Variants in SCAI observed in about 807,000 individuals in gnomAD.
SCAI encodes protein SCAI.
A neutral mutation model predicts 92.2 loss-of-function variants in SCAI; 24 were observed. The observed-to-expected ratio is 0.26, with a 90% CI of 0.19 to 0.37. The LOEUF (loss-of-function observed/expected upper bound fraction) is 0.37. Ranked by LOEUF, SCAI falls within the 10% of genes least tolerant of loss-of-function variation. SCAI has a pLI of 1.00. For missense variants in SCAI, 450 were observed against 736.2 expected (o/e 0.61, Z 4.50); for synonymous variants, 261 against 258.6 (o/e 1.01, Z -0.09).
intron 2 of SCAI, among the ~76,000 whole-genome samples, chr9:125,104,858 T>C (rs1834744445): frequency 6.6e-6 from 1 of 151,642 alleles, no homozygotes; most frequent in African/African-American, 2.4e-5. Flanking sequence ...CTCAGGAGGC[T>C]GAGGCAGGAG....
chr9:125,058,759 T>C (rs1014107351), intron 2 of SCAI, among the ~76,000 whole-genome samples: 3 of 152,164 alleles, frequency 2.0e-5, no homozygotes, highest in Non-Finnish European at 2.9e-5. Flanking sequence ...CTCTGGAGAA[T>C]TGTAATTCAC....
At chr9:125,075,889 G>A (rs1681668762) in intron 2 of SCAI, among the ~76,000 whole-genome samples, 1 of 151,684 alleles carries the variant, frequency 6.6e-6, no homozygotes, top group African/African-American at 2.4e-5. Flanking sequence ...GTAGAGATGA[G>A]GTTTCACCAC....
intron 2 of SCAI, among the ~76,000 whole-genome samples, chr9:125,135,634 C>T (rs572431668): frequency 6.6e-6 from 1 of 151,764 alleles, no homozygotes; most frequent in Non-Finnish European, 1.5e-5. Flanking sequence ...GTCTGGGAAA[C>T]AGAGTGAGAC....
chr9:125,142,373 C>T (rs1835687287), intron 2 of SCAI: 1 of 322,118 alleles, frequency 3.1e-6, no homozygotes, highest in Non-Finnish European at 5.7e-6. Context: ...TAGCTGAGAT[C>T]CTTACACAAC....
In SCAI at chr9:124,947,145, T is replaced by G. The variant is rs1455838848; in HGVS notation, c.*5662A>C. 1.3e-5 allele frequency: 2 copies of G among 152,230 alleles called. No homozygotes were observed. The highest frequency in any genetic ancestry group is 1.3e-4 in the Admixed American group (2 of 15,284). The allele number at this position is 152,230 out of a possible 1,614,324, so 9.4% of individuals were successfully genotyped here. On this transcript the variant is annotated 3_prime_UTR_variant, in exon 18 of 18. Transcript: ENST00000336505. ...ACAACTGGGAATATATTTCCCCTAT[T>G]TAATGGACATTTTCCTATGTTTTTA...
intron 2 of SCAI, among the ~76,000 whole-genome samples, chr9:125,080,380 T>A: frequency 6.6e-6 from 1 of 152,212 alleles, no homozygotes; most frequent in East Asian, 1.9e-4. Flanking sequence ...GGTTGTCTGA[T>A]CCCGAGTTAT....
chr9:125,114,632 G>T (rs149762627), intron 2 of SCAI, among the ~76,000 whole-genome samples: 1 of 151,952 alleles, frequency 6.6e-6, no homozygotes, highest in African/African-American at 2.4e-5. Context: ...CAGAGATAGG[G>T]TCTTGCTCTG....
chr9:125,090,239 T>G (rs889985264), intron 2 of SCAI, among the ~76,000 whole-genome samples: 1 of 152,142 alleles, frequency 6.6e-6, no homozygotes, highest in Non-Finnish European at 1.5e-5. Context: ...CTCTGCCTTA[T>G]GCAAGATAGG....
intron 10 of SCAI, 91 bp from the exon 11 acceptor site, chr9:125,003,306 G>A (rs932356244): frequency 1.8e-6 from 2 of 1,129,856 alleles, no homozygotes; most frequent in Non-Finnish European, 2.7e-6. Context: ...TATCAAGGAA[G>A]TCTTATTTTC....
At chr9:124,978,458 C>T (rs1309702289) in intron 14 of SCAI, among the ~76,000 whole-genome samples, 1 of 152,106 alleles carries the variant, frequency 6.6e-6, no homozygotes, top group Admixed American at 6.6e-5. Flanking sequence ...CATTTTTACC[C>T]TATCAGTTAA....
chr9:124,979,289 C>G (rs1831829066), intron 14 of SCAI, among the ~76,000 whole-genome samples: 1 of 151,874 alleles, frequency 6.6e-6, no homozygotes, highest in East Asian at 1.9e-4. Context: ...CCTGTAATCC[C>G]AGCACTTTGA....
chr9:125,058,461 G>A (rs1032640573), intron 2 of SCAI, among the ~76,000 whole-genome samples: 9 of 152,286 alleles, frequency 5.9e-5, no homozygotes, highest in Non-Finnish European at 1.3e-4. Context: ...GTTGAGGTGA[G>A]CTGAGATCAT....
At chr9:125,120,343 T>C (rs1385937370) in intron 2 of SCAI, among the ~76,000 whole-genome samples, 2 of 152,170 alleles carry the variant, frequency 1.3e-5, no homozygotes, top group African/African-American at 4.8e-5. Context: ...CTCCCCATGA[T>C]GAAATGAATT....
At chr9:124,992,881 C>T (rs991661521) in intron 14 of SCAI, among the ~76,000 whole-genome samples, 19 of 152,186 alleles carry the variant, frequency 1.2e-4, no homozygotes, top group Non-Finnish European at 2.8e-4. Context: ...TCCAATTATA[C>T]ACAATGGTGT....
At chr9:125,100,321 A>G (rs530360651) in intron 2 of SCAI, among the ~76,000 whole-genome samples, 65 of 152,344 alleles carry the variant, frequency 4.3e-4, no homozygotes, top group African/African-American at 1.5e-3. Context: ...TATGCACCAG[A>G]TTCTGAGCTG....
intron 2 of SCAI, among the ~76,000 whole-genome samples, chr9:125,092,269 C>G (rs1170603408): frequency 6.6e-6 from 1 of 150,800 alleles, no homozygotes; most frequent in Non-Finnish European, 1.5e-5. Context: ...GACCACCTGG[C>G]CAACATGGTG....
At chr9:125,087,629 C>T (rs1379426185) in intron 2 of SCAI, among the ~76,000 whole-genome samples, 3 of 152,088 alleles carry the variant, frequency 2.0e-5, no homozygotes, top group Non-Finnish European at 4.4e-5. Context: ...AAAGTACTTG[C>T]GGCAGATAGC....
chr9:125,058,622 G>A (rs1833717226), intron 2 of SCAI, among the ~76,000 whole-genome samples: 1 of 152,148 alleles, frequency 6.6e-6, no homozygotes, highest in Non-Finnish European at 1.5e-5. Context: ...ATACTCCCTA[G>A]CTCTGTAATT....
At chr9:125,081,456 C>T (rs937524796) in intron 2 of SCAI, among the ~76,000 whole-genome samples, 1 of 152,204 alleles carries the variant, frequency 6.6e-6, no homozygotes, top group African/African-American at 2.4e-5. Flanking sequence ...TTTGCCCCTA[C>T]CCTGGAGATC....
Sources: gnomAD v4.1 joint callset for allele counts (sites outside exome capture counted in the v4.1 genomes callset) on GRCh38, gnomAD v4.1.1 for gene constraint, MANE v1.5 for transcripts, NCBI Gene and HGNC (gene_info 2026-07-23, HGNC 2026-07-21) for gene names.